The following PPT1 variants were observed in gnomAD, a reference collection of about 807,000 sequenced individuals.
PPT1 encodes palmitoyl-protein thioesterase 1.
PPT1 carries 24 observed loss-of-function variants against 44.0 expected under a neutral mutation model. The ratio of observed to expected loss-of-function variants is 0.54; its 90% confidence interval spans 0.39 to 0.77. PPT1 has a LOEUF of 0.77. Among genes scored for constraint, PPT1 ranks in the 30% least tolerant of loss-of-function variants. The pLI, the probability that PPT1 is intolerant of heterozygous loss-of-function variation, is 0.00. For synonymous variants in PPT1, 148 were observed against 140.2 expected (o/e 1.06, Z -0.39); for missense variants, 341 against 378.8 (o/e 0.90, Z 0.83).
chr1:40,078,784 G>A (rs1648768954), intron 6 of PPT1, 126 bp from the exon 7 acceptor site: 2 of 795,354 alleles, frequency 2.5e-6, no homozygotes, highest in Non-Finnish European at 4.4e-6. Flanking sequence ...GGTATGGGCT[G>A]TTTTCCAGCT....
intron 7 of PPT1, among the ~76,000 whole-genome samples, chr1:40,078,356 C>G (rs1648737433): frequency 6.6e-6 from 1 of 152,162 alleles, no homozygotes; most frequent in African/African-American, 2.4e-5. Context: ...TGTCACCATA[C>G]CCGGCTAATT....
At chr1:40,071,467 T>A, downstream of PPT1, 3 of 1,612,984 alleles carry the variant, frequency 1.9e-6, no homozygotes, top group Non-Finnish European at 1.7e-6. Context: ...TCCCAGTTCC[T>A]GAGCAGTTCA....
chr1:40,094,838 G>A (rs935566352), intron 1 of PPT1, among the ~76,000 whole-genome samples: 1 of 152,138 alleles, frequency 6.6e-6, no homozygotes, highest in African/African-American at 2.4e-5. Context: ...TGTAATTGTA[G>A]GTTACTTAAC....
chr1:40,078,853 A>G (rs1648775600), intron 6 of PPT1, 195 bp from the exon 7 acceptor site: 1 of 584,926 alleles, frequency 1.7e-6, no homozygotes, highest in Admixed American at 2.4e-5. Flanking sequence ...AAAACAAAAT[A>G]TTTTATTTTA....
chr1:40,085,716 C>CT (rs1009479299), intron 5 of PPT1, among the ~76,000 whole-genome samples: 22 of 152,158 alleles, frequency 1.4e-4, no homozygotes, highest in African/African-American at 4.1e-4. Context: ...AAGGCATGTA[C>CT]TTTTTTTAGG....
At position 40,089,524 on chromosome 1, in the gene PPT1, G is replaced by A. The variant is rs1195845438; in HGVS notation, c.434-12C>T. On this transcript the variant is annotated splice_polypyrimidine_tract_variant and intron_variant, in intron 4 of 8. Transcript: ENST00000642050. ...GAGTCCAAAAACACCTACAGTGGTA[G>A]ATGACAAATATCCACTCCTTCAATA... is the stretch of plus-strand genomic sequence containing the variant. 6.3e-6 allele frequency: 10 copies of A among 1,582,022 alleles called. No individual in the cohort carries two copies. The highest frequency in any genetic ancestry group is 8.7e-6 in the Non-Finnish European group (10 of 1,150,844).
intron 6 of PPT1, among the ~76,000 whole-genome samples, chr1:40,079,395 T>A (rs1302733714): frequency 3.8e-5 from 5 of 133,008 alleles, no homozygotes; most frequent in Non-Finnish European, 3.3e-5. Context: ...TCTTTTCCTT[T>A]TTTTTTTTTT....
rs1434126466 is a variant in PPT1, at chr1:40,091,426, C to T, written c.363-27G>A. The T allele has an allele frequency of 3.8e-6, 6 of 1,574,170 alleles. No homozygotes were observed. The East Asian group carries it at 6.7e-5, about 18-fold the overall frequency. On this transcript the variant is annotated intron_variant, in intron 3 of 8. Transcript: ENST00000642050. The stretch of plus-strand genomic sequence containing the variant: ...TACGGAATAAAAGGGAGTTTTAGCT[C>T]CGACTGTCAGATGGAAATGTATCAT...
rs1328949628 is a variant in PPT1 at position 40,088,271 on chromosome 1, T to C, written c.536+1139A>G. Among the ~76,000 whole-genome samples, 153 of 151,988 alleles carry C rather than the reference T, an allele frequency of 1.0e-3. 5 individuals are homozygous for C. Among genetic ancestry groups the C allele is most frequent in the Non-Finnish European group, 4.4e-5 (3 of 67,992 alleles). On this transcript the variant is annotated intron_variant, in intron 5 of 8. Transcript: ENST00000642050. ...AAGTGATTCTCCTGCCTCAGCCTCC[T>C]GACTAGCTGAGATTACAGGCGTGCG... is the stretch of plus-strand genomic sequence containing the variant.
intron 5 of PPT1, among the ~76,000 whole-genome samples, chr1:40,084,931 A>G (rs1649175351): frequency 6.6e-6 from 1 of 152,192 alleles, no homozygotes; most frequent in African/African-American, 2.4e-5. Context: ...TCCGTTGCCA[A>G]GCGGACCGTG....
chr1:40,078,464 A>C, intron 7 of PPT1, 96 bp downstream of exon 7: 1 of 1,244,924 alleles, frequency 8.0e-7, no homozygotes, highest in Non-Finnish European at 1.2e-6. Context: ...GGCCTCCCAG[A>C]GTGCTGGGAT....
At chr1:40,079,615 C>T (rs552746293) in intron 6 of PPT1, among the ~76,000 whole-genome samples, 12 of 152,148 alleles carry the variant, frequency 7.9e-5, no homozygotes, top group East Asian at 3.9e-4. Context: ...AGGCTGGTCT[C>T]GAACTCCTGA....
At chr1:40,078,972 G>A (rs1648782366) in intron 6 of PPT1, 3 of 377,094 alleles carry the variant, frequency 8.0e-6, no homozygotes, top group Non-Finnish European at 1.5e-5. Flanking sequence ...GTGCCCAACA[G>A]GAAGTTTTTC....
intron 5 of PPT1, among the ~76,000 whole-genome samples, chr1:40,085,692 A>G (rs747682999): frequency 6.6e-6 from 1 of 152,232 alleles, no homozygotes; most frequent in Non-Finnish European, 1.5e-5. Flanking sequence ...TTAGCAATAA[A>G]GTATTTTCTA....
chr1:40,074,278 A>G, intron 8 of PPT1, 95 bp from the exon 9 acceptor site: 1 of 1,500,612 alleles, frequency 6.7e-7, no homozygotes, highest in Non-Finnish European at 9.2e-7. Flanking sequence ...TTCAAAATGC[A>G]GTTTGTCCTG....
At position 40,085,016 on chromosome 1, in the gene PPT1, C is replaced by CG. The variant is rs1490298993; in HGVS notation, c.536+4393dup. Among the ~76,000 whole-genome samples the CG allele has an allele frequency of 6.6e-5, 10 of 152,166 alleles. No homozygotes were observed. The East Asian group carries it at 1.7e-3, about 27-fold the overall frequency. On this transcript the variant is annotated intron_variant, in intron 5 of 8. Coordinates refer to ENST00000642050, the MANE Select transcript of PPT1 (RefSeq NM_000310.4). ...CTGGGAAAGGGAGTCTCCCTTTCCC[C>CG]GGGGGAGTTTAGAGAAGCCTCTACT...
chr1:40,074,245 A>G (rs1165565900), intron 8 of PPT1, 62 bp from the exon 9 acceptor site: 9 of 1,594,620 alleles, frequency 5.6e-6, no homozygotes, highest in Non-Finnish European at 6.0e-6. Flanking sequence ...TAAAATGGTA[A>G]GTACGTTAAC....
chr1:40,089,654 A>G, intron 4 of PPT1, 142 bp from the exon 5 acceptor site: 2 of 708,672 alleles, frequency 2.8e-6, no homozygotes, highest in East Asian at 5.4e-5. Context: ...TAAAGCGCAG[A>G]GAACTAATAC....
At chr1:40,084,083 C>T (rs6688011) in intron 5 of PPT1, among the ~76,000 whole-genome samples, 16,874 of 151,862 alleles carry the variant, frequency 0.11, 1,056 homozygotes, top group East Asian at 0.15. Flanking sequence ...TCATGATTCA[C>T]GGGAAGAGGT....
Sources: gnomAD v4.1 joint callset for allele counts (sites outside exome capture counted in the v4.1 genomes callset) on GRCh38, gnomAD v4.1.1 for gene constraint, MANE v1.5 for transcripts, NCBI Gene and HGNC (gene_info 2026-07-23, HGNC 2026-07-21) for gene names.